Variants in DNAI1 observed in about 807,000 individuals in gnomAD.
DNAI1 encodes dynein, axonemal, intermediate polypeptide 1.
Under a neutral mutation model 92.0 loss-of-function variants are expected in DNAI1, and 67 were observed. The observed-to-expected ratio is 0.73, with a 90% CI of 0.60 to 0.89. The LOEUF (loss-of-function observed/expected upper bound fraction) is 0.89, where lower values mean the gene tolerates loss of function less well. DNAI1 is among the 40% of genes least tolerant of loss of function. DNAI1 has a pLI of 0.00. For missense variants in DNAI1, 839 were observed against 866.6 expected, an observed-to-expected ratio of 0.97 and a Z score of 0.40; for synonymous variants, 323 against 319.6, an observed-to-expected ratio of 1.01 and a Z score of -0.11.
At chr9:34,473,843 G>A (rs911288578) in intron 1 of DNAI1, among the ~76,000 whole-genome samples, 5 of 151,444 alleles carry the variant, frequency 3.3e-5, no homozygotes, top group African/African-American at 4.9e-5. Flanking sequence ...TCCCACCTCA[G>A]CCTCCCAAGT....
Position 34,517,311 on chromosome 9 carries a change from C to A in DNAI1, c.1845C>A (p.Asn615Lys). The A allele has an allele frequency of 6.2e-7, 1 of 1,614,032 alleles. No homozygotes were observed. Among genetic ancestry groups the A allele is most frequent in the East Asian group, 2.2e-5 (1 of 44,876 alleles). ...GKAHIFDLAI[N>K]KYEAICNQPV... The stretch of plus-strand genomic sequence containing the variant: ...CCCACATATTTGACTTAGCCATCAA[C>A]AAGTATGAGGCCATCTGCAACCAGC... The change falls in exon 19 of 20, where the codon AAC (asparagine) becomes AAA (lysine). Residue 615 changes from asparagine (N) to lysine (K), a missense_variant. By Grantham distance (94) the Asn-to-Lys change is moderately conservative. Transcript: ENST00000242317.
chr9:34,486,853 T>C (rs1272221640), intron 4 of DNAI1, among the ~76,000 whole-genome samples: 1 of 152,244 alleles, frequency 6.6e-6, no homozygotes, highest in Non-Finnish European at 1.5e-5. Context: ...TTCTGGACGT[T>C]TCATATAAGT....
At chr9:34,459,649 T>C (rs1418014799) in intron 1 of DNAI1, among the ~76,000 whole-genome samples, 1 of 152,222 alleles carries the variant, frequency 6.6e-6, no homozygotes. Context: ...TTTCCCCATG[T>C]TGCCCAGGCC....
At chr9:34,512,514 T>G in intron 15 of DNAI1, 90 bp downstream of exon 15, 1 of 1,260,248 alleles carries the variant, frequency 7.9e-7, no homozygotes, top group Non-Finnish European at 1.1e-6. Context: ...CCTGACTGAG[T>G]GCTCCCTCCC....
At chr9:34,519,701 C>G (rs1825231527) in intron 19 of DNAI1, among the ~76,000 whole-genome samples, 1 of 152,188 alleles carries the variant, frequency 6.6e-6, no homozygotes. Flanking sequence ...CTGCACTCAC[C>G]CCTCCCCATC....
At chr9:34,492,446 G>A (rs758563082) in intron 8 of DNAI1, among the ~76,000 whole-genome samples, 21 of 139,966 alleles carry the variant, frequency 1.5e-4, no homozygotes, top group Non-Finnish European at 2.8e-4. Flanking sequence ...CAGCCAGCCC[G>A]AGCCAGTATG....
chr9:34,465,417 A>C (rs1371379230), intron 1 of DNAI1, among the ~76,000 whole-genome samples: 1 of 152,194 alleles, frequency 6.6e-6, no homozygotes, highest in African/African-American at 2.4e-5. Context: ...CAGAAAGCTG[A>C]GACAGTTTTT....
At chr9:34,517,729 C>G (rs892144525) in intron 19 of DNAI1, among the ~76,000 whole-genome samples, 1 of 152,198 alleles carries the variant, frequency 6.6e-6, no homozygotes, top group Non-Finnish European at 1.5e-5. Context: ...GGATCTGAAG[C>G]CTGCAGAGGC....
intron 4 of DNAI1, chr9:34,488,472 C>G (rs1291380217): frequency 1.3e-5 from 2 of 153,150 alleles, no homozygotes; most frequent in East Asian, 3.8e-4. Flanking sequence ...ACCCCATGAA[C>G]TGGTTTCCTC....
chr9:34,506,760 G>A lies in DNAI1; in HGVS notation c.1197G>A (p.Val399=). The A allele has an allele frequency of 6.2e-7, 1 of 1,614,176 alleles. No individual in the cohort carries two copies. Among genetic ancestry groups the A allele is most frequent in the Non-Finnish European group, 8.5e-7 (1 of 1,180,034 alleles). The change falls in exon 13 of 20, where the codon GTG becomes GTA. Residue 399 remains valine, a synonymous_variant. Coordinates refer to ENST00000242317, the MANE Select transcript of DNAI1 (RefSeq NM_012144.4). ...LDIHVDHPYL[V]AVGHYDGNVA... is the part of the protein sequence containing the mutation. ...TCCACGTGGACCACCCCTACCTGGT[G>A]GCAGTAGGCCACTATGACGGCAACG... is the stretch of plus-strand genomic sequence containing the variant.
At chr9:34,495,596 G>A (rs996673745) in intron 9 of DNAI1, among the ~76,000 whole-genome samples, 4 of 152,182 alleles carry the variant, frequency 2.6e-5, no homozygotes, top group African/African-American at 7.2e-5. Context: ...CATGACTGAT[G>A]GAGCTGGGAG....
intron 13 of DNAI1, among the ~76,000 whole-genome samples, chr9:34,511,625 T>A (rs1216050748): frequency 6.6e-6 from 1 of 152,248 alleles, no homozygotes; most frequent in African/African-American, 2.4e-5. Flanking sequence ...ATATGTGCAA[T>A]GTTCTGACGT....
intron 1 of DNAI1, among the ~76,000 whole-genome samples, chr9:34,480,272 C>CTTTTTTTT (rs202115133): frequency 9.1e-5 from 9 of 99,436 alleles, no homozygotes; most frequent in African/African-American, 1.2e-4. Flanking sequence ...TTTGGTGGAA[C>CTTTTTTTT]TTTTTTTTTT....
intron 11 of DNAI1, 52 bp from the exon 12 acceptor site, chr9:34,501,086 A>C (rs1824822775): frequency 1.4e-6 from 2 of 1,479,652 alleles, no homozygotes; most frequent in Admixed American, 3.3e-5. Context: ...CCTTGTCCAC[A>C]GGAGGGCCAT....
chr9:34,468,347 A>C (rs1295673526), intron 1 of DNAI1, among the ~76,000 whole-genome samples: 2 of 141,954 alleles, frequency 1.4e-5, no homozygotes, highest in Non-Finnish European at 3.1e-5. Context: ...CGCCTGGCTA[A>C]TTTTTTTTTT....
chr9:34,468,687 CGTGGTGG>C (rs1824085072), intron 1 of DNAI1, among the ~76,000 whole-genome samples: 1 of 151,722 alleles, frequency 6.6e-6, no homozygotes, highest in African/African-American at 2.4e-5. Flanking sequence ...ATTAGCCAGG[CGTGGTGG>C]TATGCCCCTG....
intron 19 of DNAI1, among the ~76,000 whole-genome samples, chr9:34,519,085 G>T (rs1039741760): frequency 1.3e-5 from 2 of 152,218 alleles, no homozygotes; most frequent in Non-Finnish European, 2.9e-5. Context: ...GAAGGGACAG[G>T]TGGGGGCTGG....
Position 34,485,212 on chromosome 9 carries a change from C to A in DNAI1, c.152C>A (p.Pro51His). 3.7e-6 allele frequency: 6 copies of A among 1,614,086 alleles called. No individual in the cohort carries two copies. The highest frequency in any genetic ancestry group is 5.1e-6 in the Non-Finnish European group (6 of 1,180,018). Reference protein sequence around the residue: ...EWAQSKATVRPPDQLELTDAE... With the variant: ...EWAQSKATVRHPDQLELTDAE... ...GCCCAATCCAAAGCCACAGTTAGAC[C>A]CCCTGACCAGCTGGAGTTGACCGAT... Residue 51 changes from proline (P) to histidine (H), a missense_variant, in exon 3 of 20, where the codon CCC becomes CAC. By Grantham distance (77) the Pro-to-His change is moderately conservative (BLOSUM62 -2). Transcript: ENST00000242317.
In DNAI1 at chr9:34,514,396, C is replaced by T; in HGVS notation, c.1572C>T (p.Cys524=). Residue 524 remains cysteine, a splice_region_variant and synonymous_variant, in exon 17 of 20, where the codon TGC becomes TGT. Coordinates refer to ENST00000242317, the MANE Select transcript of DNAI1 (RefSeq NM_012144.4). ...VGTEEGKIYK[C]SKSYSSQFLD... ...ACCCCCGTTCCCTCCCCGACCAGTGCTCTAAATCCTACTCCAGCCAATTCC... is the reference window on the plus strand; with the variant it reads ...ACCCCCGTTCCCTCCCCGACCAGTGTTCTAAATCCTACTCCAGCCAATTCC... 1 of 1,614,042 alleles carries T rather than the reference C, an allele frequency of 6.2e-7. No individual in the cohort carries two copies. Among genetic ancestry groups the T allele is most frequent in the Non-Finnish European group, 8.5e-7 (1 of 1,180,046 alleles).
Sources: gnomAD v4.1 joint callset for allele counts (sites outside exome capture counted in the v4.1 genomes callset) on GRCh38, gnomAD v4.1.1 for gene constraint, MANE v1.5 for transcripts, NCBI Gene and HGNC (gene_info 2026-07-23, HGNC 2026-07-21) for gene names.